MEGF11: variants seen among roughly 807,000 people sequenced by gnomAD.
MEGF11 encodes multiple EGF like domains 11.
A neutral mutation model predicts 146.6 loss-of-function variants in MEGF11; 126 were observed. The observed-to-expected ratio is 0.86, with a 90% CI of 0.74 to 1.00. The LOEUF is 1.00. MEGF11 is among the 50% of genes least tolerant of loss of function. MEGF11 has a pLI of 0.00. For missense variants in MEGF11, 1,509 were observed against 1,521.2 expected (o/e 0.99, Z 0.13); for synonymous variants, 532 against 583.4 (o/e 0.91, Z 1.27).
In MEGF11 at chr15:65,928,480, A is replaced by G. The variant is rs2141290897; in HGVS notation, c.1620T>C (p.His540=). ...CTGTGACGGGGTCACATCCATCAGC[A>G]TGGCTGCAGTCACAGTGTTCACTGC... The part of the protein sequence containing the change: ...LNCSEHCDCS[H]ADGCDPVTGH... Residue 540 remains histidine (H), a synonymous_variant, in exon 13 of 26, where the codon CAT becomes CAC. Coordinates refer to ENST00000395614, the MANE Select transcript of MEGF11 (RefSeq NM_001385028.1). 6.2e-7 allele frequency: 1 copy of G among 1,606,104 alleles called. No individual in the cohort carries two copies. The highest frequency in any genetic ancestry group is 2.2e-5 in the East Asian group (1 of 44,606).
At chr15:66,040,229 C>T (rs2083909618) in intron 5 of MEGF11, 2 of 154,872 alleles carry the variant, frequency 1.3e-5, no homozygotes, top group South Asian at 4.1e-4. Context: ...AGTGGTTTAA[C>T]AATTCAGAGA....
intron 24 of MEGF11, among the ~76,000 whole-genome samples, chr15:65,904,877 C>A (rs2078581525): frequency 6.6e-6 from 1 of 152,148 alleles, no homozygotes; most frequent in South Asian, 2.1e-4. Context: ...GGGACCTCTG[C>A]TGTCATATCT....
intron 7 of MEGF11, 76 bp downstream of exon 7, chr15:65,980,702 T>C: frequency 6.8e-7 from 1 of 1,469,582 alleles, no homozygotes; most frequent in South Asian, 1.5e-5. Flanking sequence ...CCGGCTAGTT[T>C]AGCCTTTTAA....
At chr15:66,223,867 TGAA>T (rs1377140152) in intron 1 of MEGF11, among the ~76,000 whole-genome samples, 3 of 152,228 alleles carry the variant, frequency 2.0e-5, no homozygotes, top group Admixed American at 2.0e-4. Context: ...TGTGGGTTCA[TGAA>T]GGACTGAGCC....
chr15:66,054,359 G>T (rs1308681442), intron 5 of MEGF11, among the ~76,000 whole-genome samples: 1 of 152,074 alleles, frequency 6.6e-6, no homozygotes. Flanking sequence ...ATCCTAACAG[G>T]TCCCTCCAGA....
chr15:66,006,682 TC>T (rs1218115073), intron 5 of MEGF11, among the ~76,000 whole-genome samples: 1 of 152,218 alleles, frequency 6.6e-6, no homozygotes, highest in East Asian at 1.9e-4. Context: ...TTTGTTCCAG[TC>T]TATATCCCAG....
At chr15:66,209,458 C>T (rs1191805989) in intron 1 of MEGF11, among the ~76,000 whole-genome samples, 1 of 152,082 alleles carries the variant, frequency 6.6e-6, no homozygotes, top group South Asian at 2.1e-4. Context: ...AAAGCCTATA[C>T]AAGAATGTTG....
intron 1 of MEGF11, among the ~76,000 whole-genome samples, chr15:66,208,461 G>A (rs190380334): frequency 3.0e-4 from 46 of 152,202 alleles, no homozygotes; most frequent in African/African-American, 8.9e-4. Flanking sequence ...AAAATAAAAT[G>A]ATAAATGAAA....
intron 7 of MEGF11, among the ~76,000 whole-genome samples, chr15:65,973,111 C>G (rs1387396129): frequency 3.7e-5 from 4 of 109,480 alleles, no homozygotes; most frequent in Non-Finnish European, 4.1e-5. Context: ...GAGCAAAACT[C>G]TGTCTCAAAA....
intron 1 of MEGF11, among the ~76,000 whole-genome samples, chr15:66,219,510 T>C (rs1597158292): frequency 6.6e-6 from 1 of 152,294 alleles, no homozygotes; most frequent in Non-Finnish European, 1.5e-5. Context: ...CTCAATGAGA[T>C]CTCATGCAGA....
At chr15:65,907,908 G>A (rs543394172) in intron 23 of MEGF11, among the ~76,000 whole-genome samples, 9 of 152,258 alleles carry the variant, frequency 5.9e-5, no homozygotes, top group South Asian at 2.1e-4. Context: ...AAATGCCAGC[G>A]CATGGCGCTC....
At chr15:66,215,041 T>C (rs1282610305) in intron 1 of MEGF11, among the ~76,000 whole-genome samples, 1 of 152,032 alleles carries the variant, frequency 6.6e-6, no homozygotes, top group African/African-American at 2.4e-5. Context: ...AGTCTTGATG[T>C]TCTCTTTACC....
chr15:66,016,485 T>G (rs976847879), intron 5 of MEGF11, among the ~76,000 whole-genome samples: 5 of 150,680 alleles, frequency 3.3e-5, no homozygotes, highest in East Asian at 3.9e-4. Flanking sequence ...TTCAGTTTTT[T>G]TTTTTTTTTT....
intron 5 of MEGF11, among the ~76,000 whole-genome samples, chr15:66,008,688 G>A (rs903271137): frequency 6.6e-6 from 1 of 152,094 alleles, no homozygotes; most frequent in Non-Finnish European, 1.5e-5. Flanking sequence ...GCCAGGCATG[G>A]TGGCATGTGC....
At chr15:66,152,711 C>T (rs554776518) in intron 1 of MEGF11, among the ~76,000 whole-genome samples, 56 of 152,354 alleles carry the variant, frequency 3.7e-4, no homozygotes, top group African/African-American at 1.3e-3. Flanking sequence ...GCGAGGGGCA[C>T]ATGAGACTCT....
chr15:66,002,818 T>C (rs2082404632), intron 5 of MEGF11, among the ~76,000 whole-genome samples: 1 of 152,126 alleles, frequency 6.6e-6, no homozygotes, highest in Non-Finnish European at 1.5e-5. Context: ...GATGTCAGTA[T>C]AAAGTATTAG....
chr15:65,902,471 G>C (rs1003424993), intron 24 of MEGF11: 1 of 150,186 alleles, frequency 6.7e-6, no homozygotes, highest in Non-Finnish European at 1.5e-5. Flanking sequence ...GAATGGGGAA[G>C]GGCTGGGCAA....
At chr15:65,975,634 C>T (rs1381308619) in intron 7 of MEGF11, among the ~76,000 whole-genome samples, 1 of 152,136 alleles carries the variant, frequency 6.6e-6, no homozygotes, top group Non-Finnish European at 1.5e-5. Flanking sequence ...TCTGCCTCCT[C>T]CCAGATAGGT....
At chr15:66,131,871 G>A (rs4776739) in intron 1 of MEGF11, among the ~76,000 whole-genome samples, 30,885 of 152,104 alleles carry the variant, frequency 0.2, 3,275 homozygotes, top group Non-Finnish European at 0.24. Flanking sequence ...CTCTAAGAGC[G>A]GTGTTCCTGA....
Sources: gnomAD v4.1 joint callset for allele counts (sites outside exome capture counted in the v4.1 genomes callset) on GRCh38, gnomAD v4.1.1 for gene constraint, MANE v1.5 for transcripts, NCBI Gene and HGNC (gene_info 2026-07-23, HGNC 2026-07-21) for gene names.